Variants in UNC13B observed in about 807,000 individuals in gnomAD.
UNC13B encodes unc-13 homolog B.
In UNC13B, 144 loss-of-function variants were observed where a neutral mutation model predicts 211.0. The ratio of observed to expected loss-of-function variants is 0.68; its 90% confidence interval spans 0.60 to 0.78. The LOEUF is 0.78. Among genes scored for constraint, UNC13B ranks in the 30% least tolerant of loss-of-function variants. The pLI is 0.00. For missense variants in UNC13B, 1,777 were observed against 2,002.0 expected (o/e 0.89, Z 2.14); for synonymous variants, 709 against 725.8 (o/e 0.98, Z 0.37).
In UNC13B at chr9:35,302,380, A is replaced by G. The variant is rs1176699338; in HGVS notation, c.2976A>G (p.Gln992=). The G allele has an allele frequency of 2.5e-6, 1 of 398,516 alleles. No homozygotes were observed. The highest frequency in any genetic ancestry group is 4.4e-6 in the Non-Finnish European group (1 of 225,792). 24.7% of individuals were successfully genotyped at this position (398,516 alleles called of 1,614,324 possible). ...TAAAGGAATTTAATAAGAATGACCA[A>G]GTAAATTGTCCTGAAGATGCCAAAC... is the stretch of plus-strand genomic sequence containing the variant. ...DSIKEFNKND[Q]VNCPEDAKLS... is the part of the protein sequence containing the mutation. Residue 992 remains glutamine, a synonymous_variant, in exon 9 of 40, where the codon CAA becomes CAG. Transcript: ENST00000635942.
At chr9:35,376,292 G>A in intron 15 of UNC13B, 45 bp downstream of exon 15, 1 of 1,591,742 alleles carries the variant, frequency 6.3e-7, no homozygotes. Flanking sequence ...GGCAGCAGGG[G>A]CTTTCCAAAA....
intron 24 of UNC13B, among the ~76,000 whole-genome samples, chr9:35,389,382 G>A (rs1423726410): frequency 1.3e-5 from 2 of 152,172 alleles, no homozygotes; most frequent in Admixed American, 6.5e-5. Context: ...AGCTCCTGCA[G>A]AAGTTGAAAG....
Position 35,308,375 on chromosome 9 carries a change from A to G in UNC13B, c.8971A>G (p.Thr2991Ala). The G allele has an allele frequency of 7.5e-6, 3 of 399,038 alleles. No individual in the cohort carries two copies. The highest frequency in any genetic ancestry group is 8.8e-5 in the Admixed American group (2 of 22,728). The allele number at this position is 399,038 out of a possible 1,614,324, so 24.7% of individuals were successfully genotyped here. A position where few individuals can be genotyped will look rare whatever the true frequency, so the allele number is the denominator to read the frequency against. Residue 2991 changes from threonine to alanine, a missense_variant, in exon 9 of 40, where the codon ACT (threonine) becomes GCT (alanine). By Grantham distance (58) the Thr-to-Ala change is moderately conservative. Transcript: ENST00000635942. The stretch of plus-strand genomic sequence containing the variant: ...TGATTTGAATGTACAGCAGCCAGTC[A>G]CTCTGAATGACATCAAGGAGCCCAT... ...DSDLNVQQPVTLNDIKEPMTN... is the reference protein window; with the variant it reads ...DSDLNVQQPVALNDIKEPMTN...
intron 11 of UNC13B, among the ~76,000 whole-genome samples, chr9:35,326,423 G>T (rs1331557884): frequency 6.6e-6 from 1 of 152,100 alleles, no homozygotes; most frequent in Non-Finnish European, 1.5e-5. Flanking sequence ...TTAGAGACAG[G>T]ATCTCACTCT....
chr9:35,209,606 G>C (rs552112377), intron 1 of UNC13B, among the ~76,000 whole-genome samples: 1 of 152,242 alleles, frequency 6.6e-6, no homozygotes, highest in South Asian at 2.1e-4. Context: ...TCAAACTCCT[G>C]ACCTCAAGTG....
At chr9:35,253,139 C>G (rs1826612676) in intron 6 of UNC13B, among the ~76,000 whole-genome samples, 1 of 151,920 alleles carries the variant, frequency 6.6e-6, no homozygotes, top group Non-Finnish European at 1.5e-5. Context: ...TATTTCAGCC[C>G]ATTGCAATCA....
intron 23 of UNC13B, 95 bp downstream of exon 23, chr9:35,385,908 A>G: frequency 1.3e-6 from 2 of 1,495,032 alleles, no homozygotes; most frequent in South Asian, 1.3e-5. Context: ...CTGAGGCTAC[A>G]GGATTCATCA....
chr9:35,358,763 G>A (rs550326008), intron 11 of UNC13B, among the ~76,000 whole-genome samples: 196 of 145,426 alleles, frequency 1.3e-3, no homozygotes, highest in African/African-American at 4.7e-3. Context: ...GCGTGATTTC[G>A]GCTCACAGCA....
intron 1 of UNC13B, among the ~76,000 whole-genome samples, chr9:35,163,825 C>A (rs2131225307): frequency 6.6e-6 from 1 of 152,126 alleles, no homozygotes; most frequent in Middle Eastern, 3.4e-3. Context: ...TTTAATGTTA[C>A]TTTAGTGAAG....
intron 1 of UNC13B, among the ~76,000 whole-genome samples, chr9:35,219,001 G>A (rs901119577): frequency 6.6e-6 from 1 of 151,986 alleles, no homozygotes; most frequent in Non-Finnish European, 1.5e-5. Flanking sequence ...TGCCTGCCTC[G>A]GCCTCCCAAA....
chr9:35,199,089 G>A (rs780399969), intron 1 of UNC13B, among the ~76,000 whole-genome samples: 6 of 152,074 alleles, frequency 3.9e-5, no homozygotes, highest in African/African-American at 9.7e-5. Flanking sequence ...GAGAACATGC[G>A]GTGTTTGGTT....
At chr9:35,298,105 T>G (rs1253539773) in intron 8 of UNC13B, among the ~76,000 whole-genome samples, 2 of 152,202 alleles carry the variant, frequency 1.3e-5, no homozygotes, top group African/African-American at 4.8e-5. Flanking sequence ...CCAATTTAGC[T>G]TATCCTTTTA....
chr9:35,393,888 T>C (rs1433722427), intron 26 of UNC13B, among the ~76,000 whole-genome samples: 1 of 152,072 alleles, frequency 6.6e-6, no homozygotes. Flanking sequence ...GGACTCTATC[T>C]TGAGGTAGCT....
intron 11 of UNC13B, among the ~76,000 whole-genome samples, chr9:35,340,473 A>C (rs1189070321): frequency 6.6e-6 from 1 of 152,200 alleles, no homozygotes; most frequent in Non-Finnish European, 1.5e-5. Flanking sequence ...TGTTTTATCT[A>C]CCATAAAGGG....
At chr9:35,265,674 A>G (rs1395898053) in intron 7 of UNC13B, among the ~76,000 whole-genome samples, 1 of 152,142 alleles carries the variant, frequency 6.6e-6, no homozygotes, top group East Asian at 1.9e-4. Flanking sequence ...ACAGTGGCTC[A>G]TGCTTGTAAT....
chr9:35,359,691 C>T lies in UNC13B; in HGVS notation c.9415-7256C>T, dbSNP rs543828953. On this transcript the variant is annotated intron_variant, in intron 11 of 39. Transcript: ENST00000635942. ...TCTCTCTCACAACCTGTATTCAGTC[C>T]GTTAGTAAATTCCACTTCCTCCACT... is the stretch of plus-strand genomic sequence containing the variant. Among the ~76,000 whole-genome samples the T allele has an allele frequency of 1.2e-4, 18 of 152,252 alleles. No individual in the cohort carries two copies. The South Asian group carries it at 1.2e-3, about 11-fold the overall frequency.
chr9:35,263,895 C>A (rs1482277892), intron 7 of UNC13B, among the ~76,000 whole-genome samples: 1 of 152,146 alleles, frequency 6.6e-6, no homozygotes, highest in Non-Finnish European at 1.5e-5. Context: ...ATCAGCTAGC[C>A]AGCCCCTTGA....
intron 7 of UNC13B, among the ~76,000 whole-genome samples, chr9:35,259,661 G>A (rs921454371): frequency 2.6e-5 from 4 of 151,612 alleles, no homozygotes; most frequent in African/African-American, 9.7e-5. Flanking sequence ...TGAGCCATAC[G>A]TTTTTGGTAT....
intron 6 of UNC13B, among the ~76,000 whole-genome samples, chr9:35,255,584 G>A (rs572040297): frequency 4.6e-5 from 7 of 152,224 alleles, no homozygotes; most frequent in African/African-American, 9.6e-5. Context: ...TGGTTAGGTC[G>A]GAGATGGAAT....
Sources: allele counts gnomAD v4.1 joint callset (sites outside exome capture counted in the v4.1 genomes callset), GRCh38; gene constraint gnomAD v4.1.1; transcripts MANE v1.5; gene names NCBI Gene and HGNC (gene_info 2026-07-23, HGNC 2026-07-21).